The following TNNI3K variants were observed in gnomAD, a reference collection of about 807,000 sequenced individuals.
TNNI3K encodes the protein TNNI3 interacting kinase, also known as serine/threonine-protein kinase TNNI3K.
A neutral mutation model predicts 114.5 loss-of-function variants in TNNI3K; 140 were observed. The observed-to-expected ratio is 1.22, with a 90% confidence interval of 1.07 to 1.41. TNNI3K has a LOEUF of 1.41. Among genes scored for constraint, TNNI3K ranks in the 40% most tolerant of loss-of-function variants. The probability of loss-of-function intolerance (pLI) is 0.00; values close to 1 mark genes in which losing one functional copy is unlikely to be tolerated. For missense variants in TNNI3K, 1,125 were observed against 1,007.6 expected (o/e 1.12, Z -1.58); for synonymous variants, 347 against 347.5 (o/e 1.00, Z 0.02).
chr1:74,327,322 A>G (rs1389474784), intron 5 of TNNI3K, among the ~76,000 whole-genome samples: 1 of 150,224 alleles, frequency 6.7e-6, no homozygotes, highest in African/African-American at 2.4e-5. Flanking sequence ...TCCTTCCATC[A>G]GTGAAAAGTA....
chr1:74,541,847 G>A (rs1646730510), intron 24 of TNNI3K, among the ~76,000 whole-genome samples: 1 of 152,158 alleles, frequency 6.6e-6, no homozygotes, highest in African/African-American at 2.4e-5. Flanking sequence ...ATACAAGAAA[G>A]AACGCTTTAA....
At chr1:74,238,309 A>T (rs1021234197) in intron 2 of TNNI3K, among the ~76,000 whole-genome samples, 1 of 152,016 alleles carries the variant, frequency 6.6e-6, no homozygotes, top group Non-Finnish European at 1.5e-5. Flanking sequence ...TAATCTCCTT[A>T]ATCCTCATTT....
At chr1:74,419,031 T>C (rs1334244288) in intron 17 of TNNI3K, among the ~76,000 whole-genome samples, 1 of 152,082 alleles carries the variant, frequency 6.6e-6, no homozygotes, top group African/African-American at 2.4e-5. Flanking sequence ...TAGTTTCCTG[T>C]GGCTTTCGTA....
At chr1:74,499,469 T>G (rs1209978045) in intron 23 of TNNI3K, among the ~76,000 whole-genome samples, 1 of 152,190 alleles carries the variant, frequency 6.6e-6, no homozygotes, top group Admixed American at 6.5e-5. Context: ...TTGTAATTGT[T>G]CTATTTTATT....
At chr1:74,289,846 C>T (rs1445847305) in intron 5 of TNNI3K, among the ~76,000 whole-genome samples, 2 of 151,718 alleles carry the variant, frequency 1.3e-5, no homozygotes, top group African/African-American at 4.8e-5. Flanking sequence ...ACTCTGACAC[C>T]GATAATACTA....
intron 7 of TNNI3K, among the ~76,000 whole-genome samples, chr1:74,342,286 G>T (rs1030454292): frequency 2.0e-5 from 3 of 152,120 alleles, no homozygotes; most frequent in Non-Finnish European, 4.4e-5. Flanking sequence ...GAATTAATGA[G>T]GTCTGCCTAA....
chr1:74,430,724 A>G (rs1665857144), intron 17 of TNNI3K, among the ~76,000 whole-genome samples: 1 of 97,800 alleles, frequency 1.0e-5, no homozygotes, highest in African/African-American at 2.7e-5. Context: ...CAATTAACTC[A>G]AGTCATTTGC....
intron 11 of TNNI3K, among the ~76,000 whole-genome samples, chr1:74,366,146 T>C (rs1662259603): frequency 6.6e-6 from 1 of 152,166 alleles, no homozygotes; most frequent in Middle Eastern, 3.4e-3. Flanking sequence ...GCTTAACCCA[T>C]GTTAACTACA....
intron 21 of TNNI3K, among the ~76,000 whole-genome samples, chr1:74,487,733 T>A (rs1347292883): frequency 1.3e-5 from 2 of 152,134 alleles, no homozygotes; most frequent in African/African-American, 4.8e-5. Flanking sequence ...AAGAAGAGCA[T>A]CTACTTTAGG....
intron 21 of TNNI3K, chr1:74,468,185 T>C (rs1667757481): frequency 6.6e-6 from 1 of 151,368 alleles, no homozygotes; most frequent in Non-Finnish European, 1.5e-5. Context: ...CCTCTAGATA[T>C]CAGGGATATT....
At chr1:74,325,072 T>G (rs111434728) in intron 5 of TNNI3K, among the ~76,000 whole-genome samples, 381 of 152,230 alleles carry the variant, frequency 2.5e-3, no homozygotes, top group African/African-American at 8.5e-3. Flanking sequence ...TAGGTACAAG[T>G]AAGTGTGGGG....
chr1:74,442,008 T>A (rs1358727230), intron 20 of TNNI3K, among the ~76,000 whole-genome samples: 4 of 152,010 alleles, frequency 2.6e-5, no homozygotes, highest in African/African-American at 9.7e-5. Context: ...TTGTATCCTA[T>A]CTAAAAATAT....
chr1:74,423,745 G>A (rs1665503735), intron 17 of TNNI3K, among the ~76,000 whole-genome samples: 1 of 151,968 alleles, frequency 6.6e-6, no homozygotes, highest in South Asian at 2.1e-4. Context: ...GATTTTCTAA[G>A]CACTATCAGA....
chr1:74,302,166 T>C (rs912108809), intron 5 of TNNI3K, among the ~76,000 whole-genome samples: 11 of 152,220 alleles, frequency 7.2e-5, no homozygotes, highest in African/African-American at 2.7e-4. Context: ...GTCAATATTA[T>C]ATCTGTGATG....
chr1:74,344,353 C>T (rs772209952), intron 9 of TNNI3K, among the ~76,000 whole-genome samples: 16 of 152,164 alleles, frequency 1.1e-4, no homozygotes, highest in Non-Finnish European at 2.1e-4. Context: ...AACTGAGGCT[C>T]AGAAAAGCTA....
At chr1:74,528,605 G>A (rs141062455) in intron 23 of TNNI3K, among the ~76,000 whole-genome samples, 271 of 152,308 alleles carry the variant, frequency 1.8e-3, no homozygotes, top group African/African-American at 6.2e-3. Context: ...GTCAGAGAAT[G>A]GTGTGAATAT....
intron 17 of TNNI3K, among the ~76,000 whole-genome samples, chr1:74,391,656 T>C (rs970093418): frequency 2.6e-5 from 4 of 152,192 alleles, no homozygotes; most frequent in African/African-American, 7.2e-5. Context: ...ACTTAAATTA[T>C]ACATTTGAGA....
At chr1:74,445,710 A>G (rs1448325584) in intron 20 of TNNI3K, among the ~76,000 whole-genome samples, 1 of 145,528 alleles carries the variant, frequency 6.9e-6, no homozygotes, top group Non-Finnish European at 1.5e-5. Context: ...TCCCGGGTTC[A>G]TGCCATTCTC....
At chr1:74,485,465 C>G (rs1180863697) in intron 21 of TNNI3K, among the ~76,000 whole-genome samples, 1 of 152,196 alleles carries the variant, frequency 6.6e-6, no homozygotes, top group African/African-American at 2.4e-5. Flanking sequence ...AGGATCTCCT[C>G]TCATTCTCTA....
Sources: allele counts gnomAD v4.1 joint callset (sites outside exome capture counted in the v4.1 genomes callset), GRCh38; gene constraint gnomAD v4.1.1; transcripts MANE v1.5; gene names NCBI Gene and HGNC (gene_info 2026-07-23, HGNC 2026-07-21).